Variants in REPS1 observed in about 807,000 individuals in gnomAD.
REPS1 encodes the protein ralBP1-associated Eps domain-containing protein 1.
In REPS1, 39 loss-of-function variants were observed where a neutral mutation model predicts 100.9. The ratio of observed to expected loss-of-function variants is 0.39; its 90% confidence interval spans 0.30 to 0.50. REPS1 has a LOEUF of 0.50. Among genes scored for constraint, REPS1 ranks in the 20% least tolerant of loss-of-function variants. REPS1 has a pLI of 0.86. For synonymous variants in REPS1, 324 were observed against 340.3 expected (o/e 0.95, Z 0.53); for missense variants, 821 against 968.5 (o/e 0.85, Z 2.02).
At chr6:138,969,353 G>A (rs1415700230) in intron 1 of REPS1, among the ~76,000 whole-genome samples, 4 of 142,860 alleles carry the variant, frequency 2.8e-5, no homozygotes, top group East Asian at 4.1e-4. Context: ...GTGCAGTGGT[G>A]CAATCTCGGC....
In REPS1 at chr6:138,987,572, C is replaced by T. The variant is rs934773114; in HGVS notation, c.111G>A (p.Glu37=). ...TCGGCAGCTGCGCGGCCCGGAACAG[C>T]TCCAGCACCCGCCCGTTGACCACCA... is the stretch of plus-strand genomic sequence containing the variant. The part of the protein sequence containing the change: ...KKVVVNGRVL[E]LFRAAQLPND... Residue 37 remains glutamate (E), a synonymous_variant, in exon 1 of 20, where the codon GAG becomes GAA. Coordinates refer to ENST00000450536, the MANE Select transcript of REPS1 (RefSeq NM_001286611.2). 3 of 1,550,848 alleles carry T rather than the reference C, an allele frequency of 1.9e-6. No individual in the cohort carries two copies. Among genetic ancestry groups the T allele is most frequent in the Non-Finnish European group, 2.6e-6 (3 of 1,146,628 alleles).
At chr6:138,927,354 C>T (rs1385232150) in intron 9 of REPS1, 1 of 152,030 alleles carries the variant, frequency 6.6e-6, no homozygotes, top group East Asian at 1.9e-4. Context: ...CAGTAAATTC[C>T]ATTTGTTTTG....
At chr6:138,919,861 T>A (rs75183313) in intron 12 of REPS1, among the ~76,000 whole-genome samples, 22,478 of 152,142 alleles carry the variant, frequency 0.15, 1,723 homozygotes, top group African/African-American at 0.17. Flanking sequence ...CAAAGACTTT[T>A]TTACTGTTCA....
intron 17 of REPS1, among the ~76,000 whole-genome samples, chr6:138,909,349 G>A (rs1016832115): frequency 1.3e-5 from 2 of 152,114 alleles, no homozygotes; most frequent in African/African-American, 4.8e-5. Flanking sequence ...GCCCTTGGCA[G>A]AATAAAAAAC....
At chr6:138,947,300 ATT>A in intron 2 of REPS1, among the ~76,000 whole-genome samples, 1 of 152,164 alleles carries the variant, frequency 6.6e-6, no homozygotes, top group East Asian at 1.9e-4. Context: ...ATATTTTAAT[ATT>A]GTCTCTTATC....
chr6:138,955,457 A>AAAGTGTGTGTGTGTGTGT (rs10689184), intron 1 of REPS1, among the ~76,000 whole-genome samples: 27 of 90,718 alleles, frequency 3.0e-4, no homozygotes, highest in African/African-American at 7.2e-4. Flanking sequence ...AAAAAAAAAA[A>AAAGTGTGTGTGTGTGTGT]GTGTGTGTGT....
At chr6:138,965,229 C>T (rs1783949712) in intron 1 of REPS1, among the ~76,000 whole-genome samples, 1 of 151,980 alleles carries the variant, frequency 6.6e-6, no homozygotes, top group Non-Finnish European at 1.5e-5. Flanking sequence ...TAGCCTCAAA[C>T]ATAAGAACTC....
At chr6:138,905,975 A>G (rs530894980) in intron 19 of REPS1, among the ~76,000 whole-genome samples, 2 of 152,232 alleles carry the variant, frequency 1.3e-5, no homozygotes, top group Non-Finnish European at 2.9e-5. Context: ...TGTTTTAACC[A>G]GAACTACCTC....
chr6:138,953,268 G>A (rs146401345), intron 1 of REPS1, among the ~76,000 whole-genome samples: 25 of 152,034 alleles, frequency 1.6e-4, no homozygotes, highest in Non-Finnish European at 3.1e-4. Context: ...GAAATGCTTC[G>A]GTACATCAGT....
At chr6:138,905,727 C>A (rs1424272060) in intron 19 of REPS1, among the ~76,000 whole-genome samples, 1 of 152,148 alleles carries the variant, frequency 6.6e-6, no homozygotes, top group African/African-American at 2.4e-5. Context: ...GTATTAACAC[C>A]TGAATTTTGC....
At chr6:138,925,759 G>C (rs1048465589) in intron 10 of REPS1, among the ~76,000 whole-genome samples, 8 of 152,032 alleles carry the variant, frequency 5.3e-5, no homozygotes, top group African/African-American at 1.7e-4. Flanking sequence ...AAAACCCAAG[G>C]GACAGGTGTA....
Position 138,947,795 on chromosome 6 carries a change from T to G in REPS1, c.272A>C (p.Asn91Thr). The change falls in exon 2 of 20, where the codon AAT becomes ACT. Residue 91 changes from asparagine to threonine, a missense_variant. Transcript: ENST00000450536. The part of the protein sequence containing the change: ...SGFPLRVESI[N>T]TVKDLPLPRF... The stretch of plus-strand genomic sequence containing the variant: ...CTAGTGTACTCTATATTTACCTGTA[T>G]TTATACTTTCCACTCTTAAAGGGAA... 6.2e-7 allele frequency: 1 copy of G among 1,604,386 alleles called. No individual in the cohort carries two copies. The highest frequency in any genetic ancestry group is 8.5e-7 in the Non-Finnish European group (1 of 1,176,588).
chr6:138,959,846 C>T (rs1356606044), intron 1 of REPS1, among the ~76,000 whole-genome samples: 1 of 152,136 alleles, frequency 6.6e-6, no homozygotes, highest in Non-Finnish European at 1.5e-5. Flanking sequence ...ACTTAATGTT[C>T]AGAACAATCC....
At chr6:138,943,697 GT>G in intron 6 of REPS1, 121 bp from the exon 7 acceptor site, 9 of 997,088 alleles carry the variant, frequency 9.0e-6, no homozygotes, top group Non-Finnish European at 1.0e-5. Context: ...AATATGTCAT[GT>G]TTTTGGCCCC....
intron 14 of REPS1, chr6:138,915,072 A>G: frequency 7.1e-6 from 2 of 280,864 alleles, no homozygotes; most frequent in Non-Finnish European, 1.3e-5. Flanking sequence ...TAGGTATCAA[A>G]TGAAAACTTC....
Position 138,920,283 on chromosome 6 carries a change from T to G in REPS1, c.1460A>C (p.Lys487Thr), listed in dbSNP as rs756378661. The part of the protein sequence containing the change: ...HTNPTSPLLV[K>T]PSDLLEENKI... ...ATTTTCTTCTAAAAGGTCAGATGGT[T>G]TCACAAGTAATGGGCTAGTGGGATT... The change falls in exon 12 of 20, where the codon AAA becomes ACA. Residue 487 changes from lysine (K) to threonine (T), a missense_variant. This residue lies in a region of REPS1 where 757 missense variants were observed against 866.4 expected (regional missense o/e 0.87). Transcript: ENST00000450536. 5 of 1,602,362 alleles carry G rather than the reference T, an allele frequency of 3.1e-6. No homozygotes were observed. In the South Asian group the frequency reaches 4.4e-5, roughly 14 times the overall value.
intron 1 of REPS1, among the ~76,000 whole-genome samples, chr6:138,972,640 G>C (rs1370165633): frequency 7.0e-6 from 1 of 143,722 alleles, no homozygotes; most frequent in African/African-American, 2.6e-5. Flanking sequence ...GCAGGGCAGA[G>C]AAATACATGT....
At chr6:138,954,975 T>C (rs1004403077) in intron 1 of REPS1, among the ~76,000 whole-genome samples, 1 of 152,242 alleles carries the variant, frequency 6.6e-6, no homozygotes, top group African/African-American at 2.4e-5. Context: ...CATCTTTTTT[T>C]ATAAAGCATT....
chr6:138,908,898 T>A, intron 17 of REPS1, 82 bp from the exon 18 acceptor site: 1 of 1,314,550 alleles, frequency 7.6e-7, no homozygotes, highest in Non-Finnish European at 1.0e-6. Context: ...TTGCTTTCTT[T>A]AAGCCATTTG....
Sources: allele counts gnomAD v4.1 joint callset (sites outside exome capture counted in the v4.1 genomes callset), GRCh38; gene constraint gnomAD v4.1.1; regional missense constraint gnomAD v4.1.1; transcripts MANE v1.5; gene names NCBI Gene and HGNC (gene_info 2026-07-23, HGNC 2026-07-21).